Variants in PCP2 observed in about 807,000 individuals in gnomAD.
PCP2 encodes Purkinje cell protein 2 homolog.
Under a neutral mutation model 18.3 loss-of-function variants are expected in PCP2, and 21 were observed. The ratio of observed to expected loss-of-function variants is 1.14; its 90% confidence interval spans 0.81 to 1.65. The LOEUF (loss-of-function observed/expected upper bound fraction) is 1.65, where lower values mean the gene tolerates loss of function less well. Among genes scored for constraint, PCP2 ranks in the 40% most tolerant of loss-of-function variants. PCP2 has a pLI of 0.00. For missense variants in PCP2, 202 were observed against 201.8 expected (o/e 1.00, Z 0.00); for synonymous variants, 85 against 77.6 (o/e 1.10, Z -0.50).
intron 1 of PCP2, 125 bp downstream of exon 1, chr19:7,633,282 G>A: frequency 1.9e-6 from 2 of 1,030,396 alleles, no homozygotes; most frequent in Non-Finnish European, 2.8e-6. Flanking sequence ...CCTTTCTACA[G>A]CCACAACTGG....
chr19:7,632,309 G>T lies in PCP2; in HGVS notation c.291+84C>A. 6.4e-7 allele frequency: 1 copy of T among 1,570,480 alleles called. No homozygotes were observed. Among genetic ancestry groups the T allele is most frequent in the Non-Finnish European group, 8.7e-7 (1 of 1,155,896 alleles). ...GATGGACAGAGATGGGGCAGGCCCT[G>T]TTCCCTCCTGGCTGGGGTGGAGGGC... On this transcript the variant is annotated intron_variant, in intron 3 of 3. Coordinates refer to ENST00000311069, the MANE Select transcript of PCP2 (RefSeq NM_174895.3). The surrounding 1 kb of genome is among the most constrained non-coding windows in gnomAD (Gnocchi z 5.2).
rs767601221 is a variant in PCP2, at chr19:7,631,647, C to T, written c.*42G>A. The T allele has an allele frequency of 5.5e-6, 8 of 1,456,598 alleles. No homozygotes were observed. The highest frequency in any genetic ancestry group is 7.3e-6 in the Non-Finnish European group (8 of 1,102,244). 90.2% of individuals were successfully genotyped at this position (1,456,598 alleles called of 1,614,324 possible). On this transcript the variant is annotated 3_prime_UTR_variant, in exon 4 of 4. Transcript: ENST00000311069. ...TCATTTAAGTGTTTTATTCTTTTAT[C>T]AGTTTTTGGGGGCCGAGTGAGACCC...
rs758454895 is a variant in PCP2, at chr19:7,632,676, G to A, written c.166+40C>T. On this transcript the variant is annotated intron_variant, in intron 2 of 3. Coordinates refer to ENST00000311069, the MANE Select transcript of PCP2 (RefSeq NM_174895.3). This position sits in a 1 kb window ranked among gnomAD's most constrained non-coding sequence, Gnocchi z 5.2. The stretch of plus-strand genomic sequence containing the variant: ...ACCACTTGCCCTGCACTCCCACCCC[G>A]TTCACGCCCCATGGACAGCACCCCC... The A allele has an allele frequency of 6.5e-6, 10 of 1,549,404 alleles. No individual in the cohort carries two copies. The highest frequency in any genetic ancestry group is 2.3e-5 in the South Asian group (2 of 85,786).
chr19:7,635,271 T>G (rs2031482905), upstream of PCP2, among the ~76,000 whole-genome samples: 1 of 152,144 alleles, frequency 6.6e-6, no homozygotes, highest in Non-Finnish European at 1.5e-5. Flanking sequence ...ACCTAGGGGT[T>G]GTGGAAATGT....
Position 7,633,491 on chromosome 19 carries a change from C to G in PCP2, c.-34G>C. ...ACTCCAGTCACTTTTCTGCTGGCCT[C>G]TGCCCCGGCCCAGTGCCAGAGAGGG... On this transcript the variant is annotated 5_prime_UTR_variant, in exon 1 of 4. Coordinates refer to ENST00000311069, the MANE Select transcript of PCP2 (RefSeq NM_174895.3). 6.4e-7 allele frequency: 1 copy of G among 1,558,594 alleles called. No individual in the cohort carries two copies. The highest frequency in any genetic ancestry group is 2.4e-5 in the East Asian group (1 of 42,136).
upstream of PCP2, among the ~76,000 whole-genome samples, chr19:7,634,977 C>T (rs1029780765): frequency 6.6e-6 from 1 of 152,208 alleles, no homozygotes; most frequent in Non-Finnish European, 1.5e-5. Context: ...ACAAGGACAC[C>T]AGTGATATTG....
upstream of PCP2, chr19:7,636,449 G>A (rs2031536977): frequency 6.6e-6 from 1 of 152,182 alleles, no homozygotes. Flanking sequence ...TGGTCCACGA[G>A]GGTAAGCGTT....
In PCP2 at chr19:7,632,413, A is replaced by C. The variant is rs775640198; in HGVS notation, c.271T>G (p.Phe91Val). 2.2e-5 allele frequency: 36 copies of C among 1,613,830 alleles called. No homozygotes were observed. The highest frequency in any genetic ancestry group is 3.3e-4 in the Middle Eastern group (2 of 6,080). The part of the protein sequence containing the change: ...QRVTVSSLPG[F>V]QPVGSKDGAQ... Reference sequence around the variant, plus strand: ...CCTACCTTGGACCCCACGGGCTGGAAGCCGGGCAGGCTGCTGACTGTCACA... The same window carrying C: ...CCTACCTTGGACCCCACGGGCTGGACGCCGGGCAGGCTGCTGACTGTCACA... The change falls in exon 3 of 4, where the codon TTC (phenylalanine) becomes GTC (valine). Residue 91 changes from phenylalanine to valine, a missense_variant. Coordinates refer to ENST00000311069, the MANE Select transcript of PCP2 (RefSeq NM_174895.3). The surrounding 1 kb of genome is among the most constrained non-coding windows in gnomAD (Gnocchi z 5.2).
upstream of PCP2, among the ~76,000 whole-genome samples, chr19:7,634,532 T>G (rs2031456836): frequency 6.6e-6 from 1 of 152,202 alleles, no homozygotes; most frequent in Non-Finnish European, 1.5e-5. Context: ...ATAAGTTGAC[T>G]TTTGTTATAT....
At chr19:7,635,852 T>C (rs1035237019), upstream of PCP2, among the ~76,000 whole-genome samples, 1 of 152,196 alleles carries the variant, frequency 6.6e-6, no homozygotes, top group Admixed American at 6.5e-5. Flanking sequence ...CTGAAAGTCC[T>C]GCATCCTGGC....
At chr19:7,635,579 C>T (rs924278766), upstream of PCP2, among the ~76,000 whole-genome samples, 11 of 152,066 alleles carry the variant, frequency 7.2e-5, no homozygotes, top group African/African-American at 2.7e-4. Context: ...ACCTGTAGTC[C>T]CAGCTACTTG....
At chr19:7,635,881 G>C (rs193050906), upstream of PCP2, among the ~76,000 whole-genome samples, 81 of 152,304 alleles carry the variant, frequency 5.3e-4, no homozygotes, top group East Asian at 8.9e-3. Flanking sequence ...GGGTCAGTCT[G>C]ACCTTGTCCT....
chr19:7,632,859 GC>G lies in PCP2; in HGVS notation c.52-30del. 1.3e-6 allele frequency: 2 copies of G among 1,539,690 alleles called. No homozygotes were observed. The highest frequency in any genetic ancestry group is 1.7e-6 in the Non-Finnish European group (2 of 1,145,182). ...GGGACAGACTCGCTCAGTCTGGTTGGCCCTTCAGCTTGGGGGCCCCTCCCCA... is the reference window on the plus strand; with the variant it reads ...GGGACAGACTCGCTCAGTCTGGTTGGCCTTCAGCTTGGGGGCCCCTCCCCA... On this transcript the variant is annotated intron_variant, in intron 1 of 3. Transcript: ENST00000311069. This position sits in a 1 kb window ranked among gnomAD's most constrained non-coding sequence, Gnocchi z 5.2.
chr19:7,632,650 G>T lies in PCP2; in HGVS notation c.166+66C>A. 1 of 1,560,264 alleles carries T rather than the reference G, an allele frequency of 6.4e-7. No individual in the cohort carries two copies. The highest frequency in any genetic ancestry group is 1.1e-5 in the South Asian group (1 of 87,606). On this transcript the variant is annotated intron_variant, in intron 2 of 3. Transcript: ENST00000311069. The surrounding 1 kb of genome is among the most constrained non-coding windows in gnomAD (Gnocchi z 5.2). The stretch of plus-strand genomic sequence containing the variant: ...TCCCGTGCCCCCAGGCCCTCCAGAT[G>T]ACCACTTGCCCTGCACTCCCACCCC...
rs56272042 is a variant in PCP2, at chr19:7,632,893, T to C, written c.52-63A>G. ...CTTGGGGGCCCCTCCCCAAACTTCC[T>C]AGCCAGCTTGCTCACACCCTGACCC... is the stretch of plus-strand genomic sequence containing the variant. On this transcript the variant is annotated intron_variant, in intron 1 of 3. Transcript: ENST00000311069. This position sits in a 1 kb window ranked among gnomAD's most constrained non-coding sequence, Gnocchi z 5.2. 525,342 of 1,526,998 alleles carry C rather than the reference T, an allele frequency of 0.34. 93,266 individuals are homozygous for C. The highest frequency in any genetic ancestry group is 0.37 in the Non-Finnish European group (421,485 of 1,139,730). 94.6% of individuals were successfully genotyped at this position (1,526,998 alleles called of 1,614,324 possible).
At chr19:7,631,876 T>C (rs939258357) in intron 3 of PCP2, 68 bp from the exon 4 acceptor site, 1 of 1,355,836 alleles carries the variant, frequency 7.4e-7, no homozygotes, top group South Asian at 2.3e-5. Context: ...TGGCGAACAA[T>C]GGAGAGAGGG....
chr19:7,634,617 G>T (rs547233232), upstream of PCP2, among the ~76,000 whole-genome samples: 2 of 152,226 alleles, frequency 1.3e-5, no homozygotes, highest in Non-Finnish European at 2.9e-5. Context: ...TGATCCTCCT[G>T]CCTGGGCCTC....
chr19:7,632,371 A>G lies in PCP2; in HGVS notation c.291+22T>C. 1 of 1,613,192 alleles carries G rather than the reference A, an allele frequency of 6.2e-7. No individual in the cohort carries two copies. ...GCACTGCCTGGCGGGTTTCTCCTCG[A>G]CATCGCCAGAACATCACCTACCTTG... On this transcript the variant is annotated intron_variant, in intron 3 of 3. Coordinates refer to ENST00000311069, the MANE Select transcript of PCP2 (RefSeq NM_174895.3). The surrounding 1 kb of genome is among the most constrained non-coding windows in gnomAD (Gnocchi z 5.2).
chr19:7,632,675 C>A lies in PCP2; in HGVS notation c.166+41G>T, dbSNP rs753731727. 6.5e-7 allele frequency: 1 copy of A among 1,549,102 alleles called. No homozygotes were observed. Among genetic ancestry groups the A allele is most frequent in the South Asian group, 1.2e-5 (1 of 85,744 alleles). ...GACCACTTGCCCTGCACTCCCACCC[C>A]GTTCACGCCCCATGGACAGCACCCC... On this transcript the variant is annotated intron_variant, in intron 2 of 3. Transcript: ENST00000311069. The surrounding 1 kb of genome is among the most constrained non-coding windows in gnomAD (Gnocchi z 5.2).
Sources: allele counts gnomAD v4.1 joint callset (sites outside exome capture counted in the v4.1 genomes callset), GRCh38; gene constraint gnomAD v4.1.1; non-coding constraint Gnocchi (gnomAD v3.1); transcripts MANE v1.5; gene names NCBI Gene and HGNC (gene_info 2026-07-23, HGNC 2026-07-21).